The following RBBP8 variants were observed in gnomAD, a reference collection of about 807,000 sequenced individuals.
RBBP8 encodes the protein DNA endonuclease RBBP8.
Under a neutral mutation model 108.3 loss-of-function variants are expected in RBBP8, and 88 were observed. The observed-to-expected ratio is 0.81, with a 90% CI of 0.68 to 0.97. The LOEUF is 0.97. RBBP8 is among the 50% of genes least tolerant of loss of function. The pLI is 0.00. For synonymous variants in RBBP8, 332 were observed against 348.2 expected, an observed-to-expected ratio of 0.95 and a Z score of 0.52; for missense variants, 1,023 against 1,049.0, an observed-to-expected ratio of 0.98 and a Z score of 0.34.
intron 12 of RBBP8, among the ~76,000 whole-genome samples, chr18:22,994,671 T>G (rs1369100770): frequency 6.6e-6 from 1 of 151,092 alleles, no homozygotes; most frequent in Non-Finnish European, 1.5e-5. Flanking sequence ...AAAAAAAAAT[T>G]GTTTGCCTTA....
chr18:22,956,102 T>C (rs1055430421), intron 4 of RBBP8, among the ~76,000 whole-genome samples: 6 of 152,134 alleles, frequency 3.9e-5, no homozygotes, highest in African/African-American at 1.4e-4. Context: ...AAGGTTTTTT[T>C]TTCGTTTTTG....
chr18:22,993,812 G>C lies in RBBP8; in HGVS notation c.1904G>C (p.Arg635Thr). 6.2e-7 allele frequency: 1 copy of C among 1,613,688 alleles called. No individual in the cohort carries two copies. Reference protein sequence around the residue: ...LASVLQLNPCRTGKIKSLQNN... With the variant: ...LASVLQLNPCTTGKIKSLQNN... ...TCAGTTCTTCAGTTAAATCCATGTA[G>C]AACTGGTAAAATAAAGTCTCTACAA... The change falls in exon 12 of 19, where the codon AGA becomes ACA. Residue 635 changes from arginine to threonine, a missense_variant. Physicochemically the swap from Arg to Thr is moderately conservative, Grantham distance 71. Coordinates refer to ENST00000327155, the MANE Select transcript of RBBP8 (RefSeq NM_002894.3).
chr18:22,946,015 C>T (rs994389999), intron 2 of RBBP8, among the ~76,000 whole-genome samples: 1 of 152,116 alleles, frequency 6.6e-6, no homozygotes, highest in African/African-American at 2.4e-5. Flanking sequence ...ACATTCATGC[C>T]TTTTGTTAGG....
chr18:23,001,665 A>G lies in RBBP8; in HGVS notation c.2223A>G (p.Ala741=). The part of the protein sequence containing the change: ...TTHEEYESCL[A]DSFSQAADEE... ...ATGAAGAGTATGAATCCTGTTTGGC[A>G]GACAGTTTCTCCCAAGCAGCAGATG... is the stretch of plus-strand genomic sequence containing the variant. Residue 741 remains alanine, a synonymous_variant, in exon 15 of 19, where the codon GCA becomes GCG. Coordinates refer to ENST00000327155, the MANE Select transcript of RBBP8 (RefSeq NM_002894.3). The G allele has an allele frequency of 1.9e-6, 3 of 1,614,164 alleles. No homozygotes were observed. Among genetic ancestry groups the G allele is most frequent in the Non-Finnish European group, 2.5e-6 (3 of 1,180,012 alleles).
chr18:22,927,843 C>G (rs988168428), intron 3 of RBBP8, among the ~76,000 whole-genome samples: 1 of 151,502 alleles, frequency 6.6e-6, no homozygotes, highest in African/African-American at 2.4e-5. Context: ...TGCAGTGAGT[C>G]GAGATTGTGC....
At chr18:22,930,386 A>C (rs1322389831), upstream of RBBP8, among the ~76,000 whole-genome samples, 4 of 152,148 alleles carry the variant, frequency 2.6e-5, no homozygotes, top group Non-Finnish European at 5.9e-5. Flanking sequence ...TTCATTTTCT[A>C]AGCATGCTGA....
At chr18:22,976,910 T>C (rs1419212739) in intron 6 of RBBP8, among the ~76,000 whole-genome samples, 1 of 152,118 alleles carries the variant, frequency 6.6e-6, no homozygotes. Flanking sequence ...ATATGAATTC[T>C]AATTAGTTTA....
At chr18:23,009,540 T>A (rs1052727012) in intron 16 of RBBP8, among the ~76,000 whole-genome samples, 1 of 149,858 alleles carries the variant, frequency 6.7e-6, no homozygotes, top group African/African-American at 2.4e-5. Context: ...TATATATATA[T>A]AAAATGTATA....
intron 2 of RBBP8, 67 bp from the exon 3 acceptor site, chr18:22,946,377 A>G (rs1005737377): frequency 6.3e-7 from 1 of 1,592,950 alleles, no homozygotes; most frequent in Non-Finnish European, 8.6e-7. Context: ...GATGTGACTT[A>G]ATAGTGGAGC....
At chr18:22,922,371 A>C (rs535472785) in intron 3 of RBBP8, among the ~76,000 whole-genome samples, 1 of 152,220 alleles carries the variant, frequency 6.6e-6, no homozygotes, top group Non-Finnish European at 1.5e-5. Flanking sequence ...CTGAATAAAG[A>C]TGAAATAGGA....
intron 8 of RBBP8, among the ~76,000 whole-genome samples, chr18:22,988,450 A>C (rs1160465953): frequency 1.3e-5 from 2 of 152,072 alleles, no homozygotes; most frequent in African/African-American, 4.8e-5. Flanking sequence ...TAGACCCTTA[A>C]TTATACCTAG....
intron 1 of RBBP8, chr18:22,933,854 T>G (rs1319834775): frequency 6.6e-6 from 1 of 152,092 alleles, no homozygotes. Context: ...CGCGCGCGCT[T>G]CGGAGGTTTT....
intron 6 of RBBP8, among the ~76,000 whole-genome samples, chr18:22,980,996 G>A (rs1283133029): frequency 5.6e-3 from 98 of 17,478 alleles, no homozygotes; most frequent in Middle Eastern, 0.1. Flanking sequence ...TTTTTGAGAC[G>A]GAGTCTCGCT....
Position 23,012,182 on chromosome 18 carries a change from T to G in RBBP8, c.2358-4646T>G, listed in dbSNP as rs938159898. ...GTGATCGCGCCACTGCACTCCAGCC[T>G]GGGAGACAAAGTGAGATGCTGTCTC... On this transcript the variant is annotated intron_variant, in intron 16 of 18. Coordinates refer to ENST00000327155, the MANE Select transcript of RBBP8 (RefSeq NM_002894.3). Among the ~76,000 whole-genome samples, 4 of 110,478 alleles carry G rather than the reference T, an allele frequency of 3.6e-5. No homozygotes were observed. The South Asian group carries it at 1.2e-3, about 34-fold the overall frequency. 72.5% of individuals were successfully genotyped at this position (110,478 alleles called of 152,430 possible). A position where few individuals can be genotyped will look rare whatever the true frequency, so the allele number is the denominator to read the frequency against.
chr18:22,957,871 A>G (rs1052696636), intron 4 of RBBP8, among the ~76,000 whole-genome samples: 2 of 152,142 alleles, frequency 1.3e-5, no homozygotes, highest in Non-Finnish European at 2.9e-5. Context: ...ATTTTGTTTC[A>G]TTTTGTAACC....
chr18:22,921,178 A>G (rs764128414), intron 3 of RBBP8, among the ~76,000 whole-genome samples: 7 of 152,214 alleles, frequency 4.6e-5, no homozygotes, highest in Non-Finnish European at 1.0e-4. Context: ...GAAAGCACCC[A>G]GAAACAGGAG....
chr18:22,927,858 G>GCACTC (rs1258665004), intron 3 of RBBP8, among the ~76,000 whole-genome samples: 3 of 151,726 alleles, frequency 2.0e-5, no homozygotes, highest in Non-Finnish European at 2.9e-5. Flanking sequence ...TTGTGCCACT[G>GCACTC]CACTCCAGCC....
At position 22,979,288 on chromosome 18, in the gene RBBP8, A is replaced by G. The variant is rs186157366; in HGVS notation, c.429-2930A>G. Reference sequence around the variant, plus strand: ...TCAAAAACATAAAATAAAATTTTAAATAATTTTATGTTTATTTTATTTTAT... The same window carrying G: ...TCAAAAACATAAAATAAAATTTTAAGTAATTTTATGTTTATTTTATTTTAT... On this transcript the variant is annotated intron_variant, in intron 6 of 18. Transcript: ENST00000327155. Among the ~76,000 whole-genome samples, 4 of 152,244 alleles carry G rather than the reference A, an allele frequency of 2.6e-5. No homozygotes were observed. The East Asian group carries it at 5.8e-4, about 22-fold the overall frequency.
intron 2 of RBBP8, among the ~76,000 whole-genome samples, chr18:22,937,497 T>C (rs1007460682): frequency 5.9e-4 from 89 of 151,930 alleles, no homozygotes; most frequent in Non-Finnish European, 1.0e-4. Context: ...TTTTTTTTTT[T>C]TTATTTTTTT....
Sources: gnomAD v4.1 joint callset for allele counts (sites outside exome capture counted in the v4.1 genomes callset) on GRCh38, gnomAD v4.1.1 for gene constraint, MANE v1.5 for transcripts, NCBI Gene and HGNC (gene_info 2026-07-23, HGNC 2026-07-21) for gene names.